TXNL4A: variants seen among roughly 807,000 people sequenced by gnomAD.
TXNL4A encodes thioredoxin-like protein 4A.
In TXNL4A, 17 loss-of-function variants were observed where a neutral mutation model predicts 14.6. The ratio of observed to expected loss-of-function variants is 1.16; its 90% confidence interval spans 0.80 to 1.74. The LOEUF (loss-of-function observed/expected upper bound fraction) is 1.74. TXNL4A is among the 40% of genes most tolerant of loss of function. TXNL4A has a pLI of 0.00. For synonymous variants in TXNL4A, 83 were observed against 70.6 expected (o/e 1.18, Z -0.88); for missense variants, 74 against 195.2 (o/e 0.38, Z 3.70).
At chr18:80,019,154 C>T (rs963422761) in intron 1 of TXNL4A, among the ~76,000 whole-genome samples, 1 of 152,170 alleles carries the variant, frequency 6.6e-6, no homozygotes, top group Non-Finnish European at 1.5e-5. Flanking sequence ...CTCAGCAACA[C>T]CCGACTCTAC....
At chr18:79,993,332 A>T (rs927921660), upstream of TXNL4A, among the ~76,000 whole-genome samples, 1 of 151,972 alleles carries the variant, frequency 6.6e-6, no homozygotes, top group African/African-American at 2.4e-5. This position sits in a 1 kb window ranked among gnomAD's most constrained non-coding sequence, Gnocchi z 4.4. Context: ...AAAAAAAAAA[A>T]ATCTCCTTTT....
At chr18:79,990,748 AT>A (rs921196421), upstream of TXNL4A, among the ~76,000 whole-genome samples, 1 of 152,238 alleles carries the variant, frequency 6.6e-6, no homozygotes, top group Non-Finnish European at 1.5e-5. Flanking sequence ...TTTTAAGGAC[AT>A]TAAGTACATT....
chr18:80,016,876 G>T (rs532816951), intron 1 of TXNL4A, among the ~76,000 whole-genome samples: 363 of 151,786 alleles, frequency 2.4e-3, no homozygotes, highest in African/African-American at 8.6e-3. Context: ...GAACTTTAAA[G>T]TAGTTTTTTC....
chr18:80,033,258 T>C (rs2051936976), intron 1 of TXNL4A, among the ~76,000 whole-genome samples: 1 of 151,314 alleles, frequency 6.6e-6, no homozygotes, highest in Admixed American at 6.6e-5. Flanking sequence ...CACACGTACA[T>C]ATGCACACAT....
At chr18:80,001,086 G>T (rs1298424361) in intron 1 of TXNL4A, among the ~76,000 whole-genome samples, 1 of 152,228 alleles carries the variant, frequency 6.6e-6, no homozygotes, top group African/African-American at 2.4e-5. Flanking sequence ...CCCCTGCTGT[G>T]TGCAGTCTAG....
chr18:80,019,654 C>G (rs1017112646), intron 1 of TXNL4A, among the ~76,000 whole-genome samples: 2 of 152,188 alleles, frequency 1.3e-5, no homozygotes, highest in African/African-American at 2.4e-5. Flanking sequence ...TATAGTCTCT[C>G]CCAGTTTGGT....
chr18:79,979,638 G>T, intron 1 of TXNL4A: 1 of 152,854 alleles, frequency 6.5e-6, no homozygotes, highest in South Asian at 1.9e-4. Context: ...ACAGCCTGCA[G>T]AACTGTGAGC....
chr18:80,007,285 A>C (rs1365042142), intron 1 of TXNL4A, among the ~76,000 whole-genome samples: 1 of 152,202 alleles, frequency 6.6e-6, no homozygotes, highest in Non-Finnish European at 1.5e-5. Context: ...CTGTCTCAAA[A>C]TGCGAGGTCC....
chr18:79,996,190 A>G (rs1007989764), intron 1 of TXNL4A, among the ~76,000 whole-genome samples: 1 of 151,472 alleles, frequency 6.6e-6, no homozygotes, highest in African/African-American at 2.4e-5. Flanking sequence ...AAGAAAATGC[A>G]GCTCAGGAAG....
At chr18:80,032,097 A>G (rs9957205) in intron 1 of TXNL4A, among the ~76,000 whole-genome samples, 45,425 of 152,124 alleles carry the variant, frequency 0.3, 7,101 homozygotes, top group Non-Finnish European at 0.35. Flanking sequence ...TTTTGTTGCT[A>G]TAAGTCTGGC....
rs566864984 is a variant in TXNL4A, at chr18:79,973,680, G to T, written c.*5C>A. ...CGACATTTATCCGCGCAGACTGAGG[G>T]CGCCTCAGTAGCGGTACTTGGTGGA... On this transcript the variant is annotated 3_prime_UTR_variant, in exon 3 of 3. Coordinates refer to ENST00000269601, the MANE Select transcript of TXNL4A (RefSeq NM_006701.5). The T allele has an allele frequency of 2.7e-4, 429 of 1,608,522 alleles. 6 individuals carry two copies. In the South Asian group the frequency reaches 4.3e-3, roughly 16 times the overall value.
At chr18:80,008,081 G>A (rs138938075) in intron 1 of TXNL4A, among the ~76,000 whole-genome samples, 1 of 152,294 alleles carries the variant, frequency 6.6e-6, no homozygotes, top group Non-Finnish European at 1.5e-5. Flanking sequence ...GAACCCAGGA[G>A]GTCTGGGTTG....
chr18:79,995,902 A>G (rs949438143), intron 1 of TXNL4A, among the ~76,000 whole-genome samples: 8 of 152,076 alleles, frequency 5.3e-5, no homozygotes, highest in Non-Finnish European at 1.2e-4. Flanking sequence ...GGAGATCGAG[A>G]CCATCTTGGC....
intron 1 of TXNL4A, among the ~76,000 whole-genome samples, chr18:80,033,146 G>A (rs895033778): frequency 1.3e-5 from 2 of 152,114 alleles, no homozygotes; most frequent in African/African-American, 2.4e-5. Context: ...TTGTCTCGTC[G>A]TTTTCTTCGA....
At chr18:79,976,816 T>C (rs1218120273) in intron 2 of TXNL4A, 1 of 454,300 alleles carries the variant, frequency 2.2e-6, no homozygotes, top group Non-Finnish European at 4.4e-6. Flanking sequence ...CATCAGATGG[T>C]GATTTCTTTC....
rs1487152057 is a variant in TXNL4A at position 79,971,131 on chromosome 18, T to A, written c.*2554A>T. On this transcript the variant is annotated 3_prime_UTR_variant, in exon 3 of 3. Coordinates refer to ENST00000269601, the MANE Select transcript of TXNL4A (RefSeq NM_006701.5). ...ATCACACAATATGTAGTAACTGGCT[T>A]TTCACTTACAGTACTTCATTCTGTT... 1 of 152,620 alleles carries A rather than the reference T, an allele frequency of 6.6e-6. No homozygotes were observed. The highest frequency in any genetic ancestry group is 6.5e-5 in the Admixed American group (1 of 15,340). The allele number at this position is 152,620 out of a possible 1,614,324, so 9.5% of individuals were successfully genotyped here.
At chr18:80,002,996 G>T (rs1027939458) in intron 1 of TXNL4A, among the ~76,000 whole-genome samples, 1 of 152,240 alleles carries the variant, frequency 6.6e-6, no homozygotes, top group African/African-American at 2.4e-5. Context: ...GTGAGTCCAA[G>T]TAGGAAGGCC....
chr18:80,008,023 C>T (rs988476884), intron 1 of TXNL4A, among the ~76,000 whole-genome samples: 11 of 152,048 alleles, frequency 7.2e-5, no homozygotes, highest in African/African-American at 2.4e-4. Flanking sequence ...TGGCAGCGCA[C>T]GCCTGTGGTC....
At chr18:79,996,103 C>CAAAAAA (rs60443481) in intron 1 of TXNL4A, among the ~76,000 whole-genome samples, 14 of 61,312 alleles carry the variant, frequency 2.3e-4, no homozygotes, top group Admixed American at 1.1e-3. Flanking sequence ...GACTCTGACT[C>CAAAAAA]AAAAAAAAAA....
Sources: gnomAD v4.1 joint callset for allele counts (sites outside exome capture counted in the v4.1 genomes callset) on GRCh38, gnomAD v4.1.1 for gene constraint, Gnocchi (gnomAD v3.1) non-coding constraint, MANE v1.5 for transcripts, NCBI Gene and HGNC (gene_info 2026-07-23, HGNC 2026-07-21) for gene names.